ADARB2: variants seen among roughly 807,000 people sequenced by gnomAD.
ADARB2 encodes the protein adenosine deaminase RNA specific B2 (inactive).
A neutral mutation model predicts 62.2 loss-of-function variants in ADARB2; 25 were observed. The ratio of observed to expected loss-of-function variants is 0.40; its 90% CI spans 0.29 to 0.56. The LOEUF is 0.56. Among genes scored for constraint, ADARB2 ranks in the 20% least tolerant of loss-of-function variants. ADARB2 has a pLI of 0.43. For missense variants in ADARB2, 1,071 were observed against 1,077.4 expected, an observed-to-expected ratio of 0.99 and a Z score of 0.08; for synonymous variants, 572 against 500.8, an observed-to-expected ratio of 1.14 and a Z score of -1.90.
intron 3 of ADARB2, among the ~76,000 whole-genome samples, chr10:1,331,778 C>A (rs1831930073): frequency 6.6e-6 from 1 of 152,158 alleles, no homozygotes; most frequent in South Asian, 2.1e-4. Context: ...ATCAAAGTAT[C>A]AGTAAAAGTT....
At chr10:1,569,274 GAC>G (rs1167475737) in intron 1 of ADARB2, among the ~76,000 whole-genome samples, 1 of 151,884 alleles carries the variant, frequency 6.6e-6, no homozygotes, top group African/African-American at 2.4e-5. Context: ...GAGAGAGAGA[GAC>G]AGAGAGAGAG....
intron 1 of ADARB2, among the ~76,000 whole-genome samples, chr10:1,524,851 C>G (rs1832120820): frequency 6.6e-6 from 1 of 152,074 alleles, no homozygotes; most frequent in Non-Finnish European, 1.5e-5. Flanking sequence ...AATAATATTT[C>G]CAGCCTAGAA....
intron 1 of ADARB2, among the ~76,000 whole-genome samples, chr10:1,579,828 C>T (rs1306495633): frequency 6.6e-6 from 1 of 152,190 alleles, no homozygotes; most frequent in Non-Finnish European, 1.5e-5. Context: ...TCTGAGTGGT[C>T]CAGACATCCT....
At chr10:1,297,671 C>T (rs77695002) in intron 3 of ADARB2, among the ~76,000 whole-genome samples, 11,589 of 152,296 alleles carry the variant, frequency 0.076, 607 homozygotes, top group East Asian at 0.12. Context: ...ACAGATGCCC[C>T]TGCATGCAAA....
intron 2 of ADARB2, among the ~76,000 whole-genome samples, chr10:1,364,949 T>C (rs1832300311): frequency 6.6e-6 from 1 of 151,000 alleles, no homozygotes; most frequent in South Asian, 2.1e-4. Flanking sequence ...CTTGGCCCAC[T>C]GCAACCTCCG....
intron 3 of ADARB2, among the ~76,000 whole-genome samples, chr10:1,288,109 G>A (rs1056868924): frequency 1.3e-5 from 2 of 152,248 alleles, no homozygotes; most frequent in Non-Finnish European, 1.5e-5. Context: ...AAGGAGCTGA[G>A]GGGGTGTCTG....
chr10:1,296,450 C>CTG (rs1831523883), intron 3 of ADARB2, among the ~76,000 whole-genome samples: 1 of 152,182 alleles, frequency 6.6e-6, no homozygotes. Context: ...CTGATGATTC[C>CTG]ATAACGTATT....
At chr10:1,200,946 C>T (rs1250703001) in intron 7 of ADARB2, among the ~76,000 whole-genome samples, 1 of 152,208 alleles carries the variant, frequency 6.6e-6, no homozygotes, top group Non-Finnish European at 1.5e-5. Flanking sequence ...TTACTGCCAT[C>T]CCCGCATGCA....
rs371821962 is a variant in ADARB2 at position 1,538,534 on chromosome 10, G to C, written c.101-159374C>G. On this transcript the variant is annotated intron_variant, in intron 1 of 9. Transcript: ENST00000381312. ...ATCTCAGAGGATCACGCGGCCCCCAGAGGACATGCTGGACGCACACCTGAC... is the reference window on the plus strand; with the variant it reads ...ATCTCAGAGGATCACGCGGCCCCCACAGGACATGCTGGACGCACACCTGAC... Among the ~76,000 whole-genome samples, 5 of 152,352 alleles carry C rather than the reference G, an allele frequency of 3.3e-5. No homozygotes were observed. In the South Asian group the frequency reaches 6.2e-4, roughly 19 times the overall value.
intron 3 of ADARB2, among the ~76,000 whole-genome samples, chr10:1,328,457 G>A (rs989989368): frequency 6.6e-6 from 1 of 152,210 alleles, no homozygotes; most frequent in Non-Finnish European, 1.5e-5. Flanking sequence ...GACACTACCT[G>A]AAAATCAACC....
intron 1 of ADARB2, among the ~76,000 whole-genome samples, chr10:1,559,599 G>A (rs146071571): frequency 1.3e-5 from 2 of 152,342 alleles, no homozygotes; most frequent in African/African-American, 4.8e-5. Flanking sequence ...ACACAAGACG[G>A]TCAGGAGGAG....
intron 6 of ADARB2, among the ~76,000 whole-genome samples, chr10:1,231,467 C>G (rs1272769314): frequency 5.3e-5 from 8 of 152,112 alleles, no homozygotes; most frequent in African/African-American, 1.9e-4. Flanking sequence ...TTTTCTGTCT[C>G]TCTCTTCCTG....
At chr10:1,635,096 A>C (rs1351341363) in intron 1 of ADARB2, among the ~76,000 whole-genome samples, 2 of 152,252 alleles carry the variant, frequency 1.3e-5, no homozygotes, top group African/African-American at 2.4e-5. Context: ...ATGTACACTG[A>C]AAGAGTCTAT....
chr10:1,285,122 C>T (rs940899417), intron 3 of ADARB2, among the ~76,000 whole-genome samples: 8 of 148,844 alleles, frequency 5.4e-5, no homozygotes, highest in African/African-American at 1.7e-4. Flanking sequence ...TCATCTGCAG[C>T]ATAAATTCTT....
intron 8 of ADARB2, among the ~76,000 whole-genome samples, chr10:1,198,404 T>C (rs1033598867): frequency 3.9e-5 from 6 of 152,268 alleles, no homozygotes; most frequent in African/African-American, 1.2e-4. Context: ...CTCTCTCTCT[T>C]TCTTTTGGTG....
At chr10:1,282,902 C>G (rs1831382366) in intron 3 of ADARB2, among the ~76,000 whole-genome samples, 1 of 152,204 alleles carries the variant, frequency 6.6e-6, no homozygotes, top group African/African-American at 2.4e-5. Flanking sequence ...ACCCAGAGAA[C>G]TGAGTTATCT....
chr10:1,662,504 GC>G (rs2119090034), intron 1 of ADARB2, among the ~76,000 whole-genome samples: 2 of 152,318 alleles, frequency 1.3e-5, no homozygotes, highest in African/African-American at 4.8e-5. Context: ...AGCCACGTGG[GC>G]CCAGACTTCT....
chr10:1,607,971 C>G (rs1327130471), intron 1 of ADARB2, among the ~76,000 whole-genome samples: 1 of 152,224 alleles, frequency 6.6e-6, no homozygotes, highest in African/African-American at 2.4e-5. Context: ...CCCCACACAA[C>G]AGTGTGCAAG....
intron 3 of ADARB2, among the ~76,000 whole-genome samples, chr10:1,306,952 A>C (rs1589187446): frequency 7.5e-6 from 1 of 133,106 alleles, no homozygotes; most frequent in Non-Finnish European, 1.6e-5. Context: ...TAAAGACTTA[A>C]ACGTTAGACC....
Sources: allele counts gnomAD v4.1 joint callset (sites outside exome capture counted in the v4.1 genomes callset), GRCh38; gene constraint gnomAD v4.1.1; transcripts MANE v1.5; gene names NCBI Gene and HGNC (gene_info 2026-07-23, HGNC 2026-07-21).